The following TUSC3 variants were observed in gnomAD, a reference collection of about 807,000 sequenced individuals.
The protein encoded by TUSC3 is tumor suppressor candidate 3, also known as dolichyl-diphosphooligosaccharide--protein glycosyltransferase subunit TUSC3.
In TUSC3, 45 loss-of-function variants were observed where a neutral mutation model predicts 44.8. That is an observed-to-expected ratio of 1.00 (90% CI 0.79 to 1.29). TUSC3 has a LOEUF of 1.29. Among genes scored for constraint, TUSC3 ranks in the 50% most tolerant of loss-of-function variants. The pLI is 0.00. For missense variants in TUSC3, 519 were observed against 437.9 expected, an observed-to-expected ratio of 1.19 and a Z score of -1.65; for synonymous variants, 212 against 152.9, an observed-to-expected ratio of 1.39 and a Z score of -2.85.
In TUSC3 at chr8:15,656,574, A is replaced by T. The variant is rs550317832; in HGVS notation, c.427-2933A>T. Reference sequence around the variant, plus strand: ...ACACTGGGGCAAAGGTTGAACCCTCAAGGCCTTGGGCAGCCCCACCCACCT... The same window carrying T: ...ACACTGGGGCAAAGGTTGAACCCTCTAGGCCTTGGGCAGCCCCACCCACCT... On this transcript the variant is annotated intron_variant, in intron 3 of 10. Coordinates refer to ENST00000503731, the MANE Select transcript of TUSC3 (RefSeq NM_006765.4). Among the ~76,000 whole-genome samples the T allele has an allele frequency of 2.0e-5, 3 of 152,272 alleles. No individual in the cohort carries two copies. The East Asian group carries it at 5.8e-4, about 30-fold the overall frequency.
At chr8:15,659,479 T>G in intron 3 of TUSC3, 28 bp from the exon 4 acceptor site, 1 of 1,607,000 alleles carries the variant, frequency 6.2e-7, no homozygotes, top group Non-Finnish European at 8.5e-7. Context: ...TGATCCTATA[T>G]TTAGTATTTT....
intron 6 of TUSC3, among the ~76,000 whole-genome samples, chr8:15,698,771 A>G (rs1308827028): frequency 6.6e-6 from 1 of 152,096 alleles, no homozygotes; most frequent in Admixed American, 6.6e-5. Context: ...TTATAAATAG[A>G]AATCATTATT....
At chr8:15,463,530 T>A (rs1298810240) in intron 1 of TUSC3, among the ~76,000 whole-genome samples, 3 of 152,148 alleles carry the variant, frequency 2.0e-5, no homozygotes, top group Non-Finnish European at 4.4e-5. Context: ...TGAGAAAGCA[T>A]CTGGCAAATG....
rs891111223 is a variant in TUSC3 at position 15,605,182 on chromosome 8, A to G, written c.139-17898A>G. On this transcript the variant is annotated intron_variant, in intron 1 of 10. Transcript: ENST00000503731. ...GCTTCCAAAAGAGTAGAATCAATCA[A>G]TAGATGGGAAGATTAGTATAGGAAC... Among the ~76,000 whole-genome samples the G allele has an allele frequency of 2.6e-5, 4 of 151,890 alleles. No individual in the cohort carries two copies. In the South Asian group the frequency reaches 6.2e-4, roughly 24 times the overall value.
the TUSC3 span, among the ~76,000 whole-genome samples, chr8:15,827,716 A>T: frequency 6.6e-6 from 1 of 152,130 alleles, no homozygotes; most frequent in African/African-American, 2.4e-5. Flanking sequence ...TTATTGGTAA[A>T]CTGAACCATT....
At chr8:15,837,334 C>T in the TUSC3 span, among the ~76,000 whole-genome samples, 1 of 151,962 alleles carries the variant, frequency 6.6e-6, no homozygotes, top group Non-Finnish European at 1.5e-5. Context: ...TTCTCAAGAG[C>T]TTTATTGTAC....
At chr8:15,539,139 G>A (rs1801585123), upstream of TUSC3, among the ~76,000 whole-genome samples, 1 of 151,492 alleles carries the variant, frequency 6.6e-6, no homozygotes, top group South Asian at 2.1e-4. Context: ...GTGAGCCACC[G>A]TGCCTGGCTA....
At chr8:15,797,375 CTGATGAGACAGCAGTCTTCCT>C in the TUSC3 span, among the ~76,000 whole-genome samples, 1 of 151,922 alleles carries the variant, frequency 6.6e-6, no homozygotes, top group Non-Finnish European at 1.5e-5. Flanking sequence ...GCTTTGAGGT[CTGATGAGACAGCAGTCTTCCT>C]TGATGCCAGA....
At position 15,748,481 on chromosome 8, in the gene TUSC3, T is replaced by A. The variant is rs776370214; in HGVS notation, c.1028+16T>A. On this transcript the variant is annotated intron_variant, in intron 9 of 10. Transcript: ENST00000503731. ...ATCCTTATAGGTAATATCTTTATACTAACATGAATGTTTTTATTTTTAACT... is the reference window on the plus strand; with the variant it reads ...ATCCTTATAGGTAATATCTTTATACAAACATGAATGTTTTTATTTTTAACT... 7 of 1,544,912 alleles carry A rather than the reference T, an allele frequency of 4.5e-6. No homozygotes were observed. In the South Asian group the frequency reaches 7.8e-5, roughly 17 times the overall value.
At chr8:15,809,819 T>G in the TUSC3 span, among the ~76,000 whole-genome samples, 1 of 152,178 alleles carries the variant, frequency 6.6e-6, no homozygotes, top group Admixed American at 6.5e-5. Context: ...TTGGCTTTCT[T>G]TACACTTGGC....
intron 6 of TUSC3, among the ~76,000 whole-genome samples, chr8:15,691,321 G>C (rs1236785001): frequency 1.3e-5 from 2 of 152,062 alleles, no homozygotes; most frequent in Non-Finnish European, 2.9e-5. Context: ...GATGTTTTTG[G>C]TGTATAGGAA....
chr8:15,542,679 A>G (rs1459420247), intron 1 of TUSC3, among the ~76,000 whole-genome samples: 1 of 152,206 alleles, frequency 6.6e-6, no homozygotes, highest in African/African-American at 2.4e-5. Flanking sequence ...TTAAATCTAA[A>G]TTACAGCAAC....
intron 6 of TUSC3, among the ~76,000 whole-genome samples, chr8:15,708,786 G>A (rs1470925334): frequency 6.6e-6 from 1 of 151,816 alleles, no homozygotes; most frequent in Admixed American, 6.6e-5. Flanking sequence ...AAGATACGTG[G>A]AGTCATGATA....
intron 9 of TUSC3, among the ~76,000 whole-genome samples, chr8:15,757,215 A>G (rs1222826118): frequency 3.3e-5 from 5 of 152,188 alleles, no homozygotes; most frequent in African/African-American, 9.7e-5. Flanking sequence ...AACAGAATAT[A>G]TAAATTAAGC....
intron 1 of TUSC3, among the ~76,000 whole-genome samples, chr8:15,612,976 A>T (rs1397991213): frequency 6.6e-6 from 1 of 151,508 alleles, no homozygotes; most frequent in East Asian, 1.9e-4. Context: ...TATATTCTTT[A>T]CCATCCCTTC....
At chr8:15,467,273 T>G (rs959364857) in intron 1 of TUSC3, among the ~76,000 whole-genome samples, 2 of 133,558 alleles carry the variant, frequency 1.5e-5, no homozygotes, top group African/African-American at 5.8e-5. Flanking sequence ...GAAAGTTCTT[T>G]AGCCAAAAAA....
chr8:15,621,791 C>G (rs979793436), intron 1 of TUSC3, among the ~76,000 whole-genome samples: 20 of 148,578 alleles, frequency 1.3e-4, no homozygotes, highest in African/African-American at 4.9e-4. Flanking sequence ...AAAAAAAAAA[C>G]ACAGCCGAGT....
intron 6 of TUSC3, among the ~76,000 whole-genome samples, chr8:15,719,181 A>C (rs1250843998): frequency 1.3e-5 from 2 of 152,028 alleles, no homozygotes; most frequent in Non-Finnish European, 2.9e-5. Context: ...TCACCATGTA[A>C]TTCAGAATAA....
At chr8:15,469,742 C>G (rs987201750) in intron 1 of TUSC3, among the ~76,000 whole-genome samples, 11 of 152,138 alleles carry the variant, frequency 7.2e-5, no homozygotes, top group African/African-American at 2.2e-4. Context: ...CTTGGAAGAA[C>G]CAAGATGTCC....
Sources: allele counts gnomAD v4.1 joint callset (sites outside exome capture counted in the v4.1 genomes callset), GRCh38; gene constraint gnomAD v4.1.1; transcripts MANE v1.5; gene names NCBI Gene and HGNC (gene_info 2026-07-23, HGNC 2026-07-21).